The following HACE1 variants were observed in gnomAD, a reference collection of about 807,000 sequenced individuals.
HACE1 encodes the protein E3 ubiquitin-protein ligase HACE1.
In HACE1, 73 loss-of-function variants were observed where a neutral mutation model predicts 118.4. The observed-to-expected ratio is 0.62, with a 90% CI of 0.51 to 0.75. The LOEUF (loss-of-function observed/expected upper bound fraction) is 0.75. Among genes scored for constraint, HACE1 ranks in the 30% least tolerant of loss-of-function variants. HACE1 has a pLI of 0.00. For missense variants in HACE1, 749 were observed against 1,102.2 expected (o/e 0.68, Z 4.54); for synonymous variants, 368 against 374.8 (o/e 0.98, Z 0.21).
chr6:104,820,464 G>A (rs1006096088), intron 6 of HACE1, among the ~76,000 whole-genome samples: 2 of 152,084 alleles, frequency 1.3e-5, no homozygotes, highest in Non-Finnish European at 2.9e-5. Flanking sequence ...CTAATATCCA[G>A]CATCTATAAG....
In HACE1 at chr6:104,791,642, A is replaced by G; in HGVS notation, c.936T>C (p.Asn312=). 6.2e-7 allele frequency: 1 copy of G among 1,606,348 alleles called. No individual in the cohort carries two copies. Among genetic ancestry groups the G allele is most frequent in the Non-Finnish European group, 8.5e-7 (1 of 1,173,254 alleles). ...NGHKLLSLSS[N]YDAQMKSLLR... ...AAAGGCTCTTCATTTGAGCATCATA[A>G]TTGCTAGAGAGGCTGAAAATAAAAA... The change falls in exon 11 of 24, where the codon AAT becomes AAC. Residue 312 remains asparagine, a synonymous_variant. Coordinates refer to ENST00000262903, the MANE Select transcript of HACE1 (RefSeq NM_020771.4).
chr6:104,825,939 T>C (rs779721781), intron 6 of HACE1, among the ~76,000 whole-genome samples: 4 of 152,182 alleles, frequency 2.6e-5, no homozygotes, highest in Admixed American at 6.5e-5. Flanking sequence ...AGATAATGTG[T>C]TATGCACTAC....
At position 104,744,548 on chromosome 6, in the gene HACE1, G is replaced by T; in HGVS notation, c.2406C>A (p.Tyr802Ter). 6.2e-7 allele frequency: 1 copy of T among 1,601,890 alleles called. No homozygotes were observed. Among genetic ancestry groups the T allele is most frequent in the Non-Finnish European group, 8.6e-7 (1 of 1,169,034 alleles). Residue 802 changes from tyrosine to a stop codon, truncating the protein, a stop_gained, in exon 21 of 24, where the codon TAC becomes TAA. Coordinates refer to ENST00000262903, the MANE Select transcript of HACE1 (RefSeq NM_020771.4). LOFTEE classifies it high-confidence loss of function. ...GATCTTCTCTTTCATAGCCACTTGT[G>T]TATTCTGTATTTTTTATCCAATCAC... ...DVSDWIKNTE[Y>*]TSGYEREDPV...
At chr6:104,797,055 ACAATC>A in intron 7 of HACE1, 30 bp from the exon 8 acceptor site, 1 of 1,194,704 alleles carries the variant, frequency 8.4e-7, no homozygotes, top group Non-Finnish European at 1.3e-6. Flanking sequence ...AGTTAAAAAT[ACAATC>A]TTTTTAAAGT....
At chr6:104,832,189 TA>T (rs1774063942) in intron 6 of HACE1, among the ~76,000 whole-genome samples, 1 of 152,124 alleles carries the variant, frequency 6.6e-6, no homozygotes, top group Admixed American at 6.5e-5. Flanking sequence ...CAGCAAAAGA[TA>T]AAATAAAATA....
intron 6 of HACE1, among the ~76,000 whole-genome samples, chr6:104,828,353 A>G (rs1022373339): frequency 1.3e-5 from 2 of 152,012 alleles, no homozygotes; most frequent in African/African-American, 4.8e-5. Context: ...AGCAGTAGGT[A>G]TTATTGCTGT....
chr6:104,787,217 G>A (rs1313468247), intron 11 of HACE1: 7 of 152,056 alleles, frequency 4.6e-5, no homozygotes, highest in African/African-American at 9.7e-5. Context: ...CTAGGTAGTC[G>A]GGTTAAGTAC....
chr6:104,755,539 T>C (rs1309913992), intron 19 of HACE1, among the ~76,000 whole-genome samples: 1 of 152,194 alleles, frequency 6.6e-6, no homozygotes, highest in African/African-American at 2.4e-5. Flanking sequence ...AGTAAAACTT[T>C]CCTTGGCAAA....
chr6:104,834,451 A>G (rs1774326541), intron 5 of HACE1, among the ~76,000 whole-genome samples: 1 of 152,228 alleles, frequency 6.6e-6, no homozygotes, highest in South Asian at 2.1e-4. Context: ...AAGATAATCA[A>G]TGTTAAAACT....
At chr6:104,852,468 G>T in intron 1 of HACE1, 97 bp from the exon 2 acceptor site, 1 of 741,884 alleles carries the variant, frequency 1.3e-6, no homozygotes. Context: ...TATACAAAAA[G>T]CGAAAAGGAG....
At position 104,821,296 on chromosome 6, in the gene HACE1, C is replaced by T. The variant is rs560135069; in HGVS notation, c.535-9903G>A. 6.6e-5 allele frequency among the ~76,000 whole-genome samples: 10 copies of T among 152,036 alleles called. No homozygotes were observed. The East Asian group carries it at 1.7e-3, about 26-fold the overall frequency. On this transcript the variant is annotated intron_variant, in intron 6 of 23. Transcript: ENST00000262903. ...AACAAAGCCCCGTGACACAAGTTTA[C>T]CTATGTATCAAACCTGTATTTGTAC...
chr6:104,809,658 T>C (rs912764969), intron 7 of HACE1, among the ~76,000 whole-genome samples: 69 of 150,318 alleles, frequency 4.6e-4, no homozygotes, highest in African/African-American at 1.4e-3. Context: ...GCAGATTCTT[T>C]TTTTTTTTTT....
intron 6 of HACE1, among the ~76,000 whole-genome samples, chr6:104,832,424 C>A (rs1344020629): frequency 6.6e-6 from 1 of 151,870 alleles, no homozygotes; most frequent in African/African-American, 2.4e-5. Context: ...TACAGGCTCT[C>A]ACTCTGTCAC....
intron 7 of HACE1, among the ~76,000 whole-genome samples, chr6:104,807,975 T>A (rs970035397): frequency 3.3e-5 from 5 of 151,914 alleles, no homozygotes; most frequent in African/African-American, 1.2e-4. Flanking sequence ...TCACCTGAGG[T>A]CGGGAGTTCG....
At chr6:104,846,952 T>C (rs567845421) in intron 4 of HACE1, among the ~76,000 whole-genome samples, 1 of 152,386 alleles carries the variant, frequency 6.6e-6, no homozygotes, top group Non-Finnish European at 1.5e-5. Context: ...TGAATTCTTT[T>C]TATTCCTTTT....
chr6:104,749,563 A>G (rs1473406386), intron 20 of HACE1, among the ~76,000 whole-genome samples: 1 of 152,154 alleles, frequency 6.6e-6, no homozygotes, highest in African/African-American at 2.4e-5. Context: ...GACAGAATAA[A>G]AACTAAATAA....
chr6:104,802,061 G>A (rs900419611), intron 7 of HACE1, among the ~76,000 whole-genome samples: 1 of 149,774 alleles, frequency 6.7e-6, no homozygotes, highest in Admixed American at 6.7e-5. Context: ...AGCAGGGGTT[G>A]CAATCCAGGT....
At chr6:104,844,929 G>A (rs1374103614) in intron 4 of HACE1, among the ~76,000 whole-genome samples, 1 of 151,988 alleles carries the variant, frequency 6.6e-6, no homozygotes, top group African/African-American at 2.4e-5. Context: ...CTCCCTAAGT[G>A]CTGGGATTAC....
intron 19 of HACE1, among the ~76,000 whole-genome samples, chr6:104,751,374 T>C (rs1778024296): frequency 6.6e-6 from 1 of 152,250 alleles, no homozygotes; most frequent in Admixed American, 6.5e-5. Flanking sequence ...CTTTGTAGCA[T>C]AGTCAATTCA....
Sources: gnomAD v4.1 joint callset for allele counts (sites outside exome capture counted in the v4.1 genomes callset) on GRCh38, gnomAD v4.1.1 for gene constraint, MANE v1.5 for transcripts, NCBI Gene and HGNC (gene_info 2026-07-23, HGNC 2026-07-21) for gene names.